Variants in KLF8 observed in about 807,000 individuals in gnomAD.
KLF8 encodes the protein KLF transcription factor 8, also known as Krueppel-like factor 8.
A neutral mutation model predicts 18.2 loss-of-function variants in KLF8; 10 were observed. The ratio of observed to expected loss-of-function variants is 0.55; its 90% CI spans 0.34 to 0.93. KLF8 has a LOEUF of 0.93. Among genes scored for constraint, KLF8 ranks in the 40% least tolerant of loss-of-function variants. KLF8 has a pLI of 0.02. For synonymous variants in KLF8, 109 were observed against 97.3 expected (o/e 1.12, Z -0.71); for missense variants, 264 against 277.9 (o/e 0.95, Z 0.36).
the KLF8 span, among the ~76,000 whole-genome samples, chrX:55,987,754 A>T: frequency 5.1e-4 from 57 of 112,051 alleles, no homozygotes; most frequent in Middle Eastern, 4.6e-3. Flanking sequence ...TTTCTAGTTC[A>T]AGATCCCTGA....
the KLF8 span, among the ~76,000 whole-genome samples, chrX:56,191,899 TGCC>T: frequency 3.6e-5 from 4 of 111,560 alleles, no homozygotes; most frequent in South Asian, 1.5e-3. Flanking sequence ...TTAAAGCCTT[TGCC>T]TAAGATCTGG....
the KLF8 span, among the ~76,000 whole-genome samples, chrX:56,165,301 T>A: frequency 8.9e-6 from 1 of 111,841 alleles, no homozygotes; most frequent in African/African-American, 3.2e-5. Flanking sequence ...CAACCAGGGG[T>A]GGAGGCAGTC....
the KLF8 span, among the ~76,000 whole-genome samples, chrX:55,932,725 G>A: frequency 2.7e-5 from 3 of 111,995 alleles, no homozygotes; most frequent in Non-Finnish European, 3.8e-5. Flanking sequence ...TAGAGTTTCT[G>A]CAGAGAGATC....
intron 5 of KLF8, among the ~76,000 whole-genome samples, chrX:56,283,650 C>T (rs2067231302): frequency 8.9e-6 from 1 of 112,038 alleles, no homozygotes; most frequent in South Asian, 3.7e-4. Flanking sequence ...GGATTACAGG[C>T]GTGAGCCACC....
the KLF8 span, among the ~76,000 whole-genome samples, chrX:55,936,548 G>A: frequency 1.8e-5 from 2 of 112,840 alleles, no homozygotes; most frequent in African/African-American, 3.2e-5. Context: ...TGGGTGCAGT[G>A]CACCGTGTGT....
At chrX:56,064,198 T>C in the KLF8 span, among the ~76,000 whole-genome samples, 1 of 108,231 alleles carries the variant, frequency 9.2e-6, no homozygotes, top group African/African-American at 3.4e-5. Flanking sequence ...GTGTGGGTCT[T>C]CAAAATGGTG....
At chrX:56,250,045 T>A (rs758730759) in intron 1 of KLF8, among the ~76,000 whole-genome samples, 186 bp from the exon 2 acceptor site, 2 of 111,870 alleles carry the variant, frequency 1.8e-5, no homozygotes, top group Non-Finnish European at 3.8e-5. Flanking sequence ...GCAGCTAATA[T>A]TATTGGGGAA....
At chrX:56,137,298 A>G in the KLF8 span, among the ~76,000 whole-genome samples, 1 of 108,892 alleles carries the variant, frequency 9.2e-6, no homozygotes, top group Non-Finnish European at 1.9e-5. Flanking sequence ...ATAAAGACAC[A>G]TGCACACGTA....
At chrX:56,025,257 G>A in the KLF8 span, among the ~76,000 whole-genome samples, 5 of 112,450 alleles carry the variant, frequency 4.4e-5, no homozygotes, top group Admixed American at 3.8e-4. Flanking sequence ...GCTCTAGAGA[G>A]CGTTTTCGAA....
the KLF8 span, among the ~76,000 whole-genome samples, chrX:56,098,138 C>T: frequency 8.9e-6 from 1 of 112,025 alleles, no homozygotes; most frequent in East Asian, 2.8e-4. Context: ...CTCTCTCTTG[C>T]TTCCTCCCTT....
chrX:56,058,197 T>A, the KLF8 span, among the ~76,000 whole-genome samples: 2 of 88,735 alleles, frequency 2.3e-5, no homozygotes, highest in East Asian at 6.7e-4. Flanking sequence ...TATATACATA[T>A]ATATATACAC....
the KLF8 span, among the ~76,000 whole-genome samples, chrX:55,988,605 C>G: frequency 1.8e-5 from 2 of 111,399 alleles, no homozygotes; most frequent in East Asian, 2.8e-4. Context: ...GTTACTGTAG[C>G]CTTGTAGTAT....
the KLF8 span, among the ~76,000 whole-genome samples, chrX:55,923,732 G>C: frequency 1.5e-5 from 1 of 64,839 alleles, no homozygotes; most frequent in Non-Finnish European, 4.2e-5. Context: ...GTGTGTGTGT[G>C]TGTGTGTGTG....
At chrX:56,172,413 A>T in the KLF8 span, among the ~76,000 whole-genome samples, 1 of 111,254 alleles carries the variant, frequency 9.0e-6, no homozygotes, top group Non-Finnish European at 1.9e-5. Context: ...AGCTTCATCC[A>T]TGTCCCTACA....
the KLF8 span, among the ~76,000 whole-genome samples, chrX:56,135,654 A>T: frequency 1.8e-5 from 2 of 110,457 alleles, no homozygotes; most frequent in Non-Finnish European, 3.8e-5. Flanking sequence ...TACATATGTA[A>T]CTAACCTGCA....
At chrX:56,172,654 A>T in the KLF8 span, among the ~76,000 whole-genome samples, 1 of 111,873 alleles carries the variant, frequency 8.9e-6, no homozygotes, top group Non-Finnish European at 1.9e-5. Context: ...TAGAATTTCT[A>T]GTTCTAGATC....
chrX:56,261,159 A>G lies in KLF8; in HGVS notation c.82-4021A>G, dbSNP rs187911445. Among the ~76,000 whole-genome samples the G allele has an allele frequency of 1.3e-3, 143 of 111,842 alleles. 1 individual carries two copies. The highest frequency in any genetic ancestry group is 4.6e-3 in the Middle Eastern group (1 of 218). On this transcript the variant is annotated intron_variant, in intron 2 of 5. Coordinates refer to ENST00000468660, the MANE Select transcript of KLF8 (RefSeq NM_007250.5). ...GAAAGGGTCTCATCTTTAGTAATAT[A>G]TGAATAAATAACTCTTTTTATATTT... is the stretch of plus-strand genomic sequence containing the variant.
chrX:56,057,930 T>G, the KLF8 span, among the ~76,000 whole-genome samples: 1 of 107,762 alleles, frequency 9.3e-6, no homozygotes, highest in Admixed American at 1.0e-4. Context: ...GAGGTCTCCT[T>G]CTGCTTGCAT....
the KLF8 span, among the ~76,000 whole-genome samples, chrX:55,965,743 G>A: frequency 9.8e-5 from 11 of 112,177 alleles, no homozygotes; most frequent in African/African-American, 3.2e-4. Flanking sequence ...CACAAATAAT[G>A]TTCAAGCTGA....
Sources: gnomAD v4.1 joint callset for allele counts (sites outside exome capture counted in the v4.1 genomes callset) on GRCh38, gnomAD v4.1.1 for gene constraint, MANE v1.5 for transcripts, NCBI Gene and HGNC (gene_info 2026-07-23, HGNC 2026-07-21) for gene names.